ROBO2: variants seen among roughly 807,000 people sequenced by gnomAD.
ROBO2 encodes the protein roundabout homolog 2.
A neutral mutation model predicts 160.8 loss-of-function variants in ROBO2; 53 were observed. That is an observed-to-expected ratio of 0.33 (90% confidence interval 0.26 to 0.41). ROBO2 has a LOEUF of 0.41. Among genes scored for constraint, ROBO2 ranks in the 10% least tolerant of loss-of-function variants. The pLI, the probability that ROBO2 is intolerant of heterozygous loss-of-function variation, is 1.00. For missense variants in ROBO2, 1,577 were observed against 1,722.4 expected (o/e 0.92, Z 1.49); for synonymous variants, 664 against 611.7 (o/e 1.09, Z -1.26).
intron 2 of ROBO2, among the ~76,000 whole-genome samples, chr3:75,977,687 G>A (rs1330143161): frequency 3.3e-5 from 5 of 151,418 alleles, no homozygotes; most frequent in East Asian, 2.0e-4. Context: ...TGAAAAGAGT[G>A]AACTGCCATA....
At chr3:76,455,514 T>C (rs1230500246) in intron 2 of ROBO2, among the ~76,000 whole-genome samples, 1 of 152,114 alleles carries the variant, frequency 6.6e-6, no homozygotes, top group African/African-American at 2.4e-5. Flanking sequence ...TCTGAAACAA[T>C]ATATAGTTAG....
At position 76,925,128 on chromosome 3, in the gene ROBO2, G is replaced by A. The variant is rs1280494607; in HGVS notation, c.110-172886G>A. Reference sequence around the variant, plus strand: ...GAGGCTGAGGCAGGAGGAGAATGGCGTGAACCCGGGAGGCGGAGCTTGCAG... The same window carrying A: ...GAGGCTGAGGCAGGAGGAGAATGGCATGAACCCGGGAGGCGGAGCTTGCAG... On this transcript the variant is annotated intron_variant, in intron 2 of 26. Coordinates refer to the ROBO2 transcript ENST00000487694. Among the ~76,000 whole-genome samples the A allele has an allele frequency of 5.4e-5, 8 of 148,690 alleles. No individual in the cohort carries two copies. In the South Asian group the frequency reaches 8.6e-4, roughly 16 times the overall value.
intron 2 of ROBO2, among the ~76,000 whole-genome samples, chr3:76,366,637 G>A (rs1243631531): frequency 4.6e-5 from 7 of 151,956 alleles, no homozygotes; most frequent in Admixed American, 4.6e-4. Flanking sequence ...TTTATAGTAT[G>A]TAATCCTTTG....
chr3:76,300,554 A>G (rs1346895543), intron 2 of ROBO2, among the ~76,000 whole-genome samples: 1 of 151,946 alleles, frequency 6.6e-6, no homozygotes, highest in Non-Finnish European at 1.5e-5. Context: ...ATGGGAAGCT[A>G]TTTTGCCATT....
intron 2 of ROBO2, among the ~76,000 whole-genome samples, chr3:76,689,533 T>C (rs1055892965): frequency 2.6e-5 from 4 of 152,182 alleles, no homozygotes; most frequent in African/African-American, 9.6e-5. Context: ...AAATTATTGT[T>C]AATTATAATT....
intron 2 of ROBO2, among the ~76,000 whole-genome samples, chr3:76,461,057 T>C (rs535391962): frequency 6.6e-6 from 1 of 152,290 alleles, no homozygotes; most frequent in East Asian, 1.9e-4. Flanking sequence ...GGGTAATTTA[T>C]AAAGAAAAGA....
At chr3:76,343,109 T>C (rs1380952398) in intron 2 of ROBO2, among the ~76,000 whole-genome samples, 2 of 152,098 alleles carry the variant, frequency 1.3e-5, no homozygotes, top group Non-Finnish European at 2.9e-5. Context: ...TCTTCTCTAG[T>C]TCAGAAATCT....
intron 20 of ROBO2, chr3:77,602,806 G>A (rs2094459418): frequency 4.2e-5 from 20 of 481,656 alleles, no homozygotes; most frequent in South Asian, 3.1e-4. Context: ...CATTAGGGCA[G>A]GGTAGACAAA....
intron 2 of ROBO2, among the ~76,000 whole-genome samples, chr3:76,435,984 C>T (rs2076656866): frequency 6.6e-6 from 1 of 152,034 alleles, no homozygotes; most frequent in African/African-American, 2.4e-5. Context: ...ATAAGCATTC[C>T]TTTTATTCTC....
At chr3:76,688,517 T>A (rs2107147374) in intron 2 of ROBO2, among the ~76,000 whole-genome samples, 1 of 151,418 alleles carries the variant, frequency 6.6e-6, no homozygotes, top group Non-Finnish European at 1.5e-5. Context: ...TAACTAAACA[T>A]TAAAGTATGA....
intron 2 of ROBO2, among the ~76,000 whole-genome samples, chr3:76,527,391 C>A (rs895909186): frequency 6.6e-6 from 1 of 151,976 alleles, no homozygotes; most frequent in Non-Finnish European, 1.5e-5. Flanking sequence ...TTTTCAAGTA[C>A]AAGAAATACT....
chr3:77,325,614 C>G (rs1009529564), intron 2 of ROBO2, among the ~76,000 whole-genome samples: 2 of 152,114 alleles, frequency 1.3e-5, no homozygotes, highest in African/African-American at 4.8e-5. Context: ...AAATGTGAAT[C>G]TATTGATGTT....
chr3:77,204,797 G>A (rs951698426), intron 2 of ROBO2, among the ~76,000 whole-genome samples: 3 of 152,306 alleles, frequency 2.0e-5, no homozygotes, highest in African/African-American at 7.2e-5. Flanking sequence ...TTTGTTGAAA[G>A]GTGTAATACT....
rs368832640 is a variant in ROBO2, at chr3:76,947,169, G to T, written c.110-150845G>T. Among the ~76,000 whole-genome samples the T allele has an allele frequency of 2.0e-5, 3 of 152,112 alleles. No individual in the cohort carries two copies. In the East Asian group the frequency reaches 5.8e-4, roughly 29 times the overall value. ...CGTTTTCCACAAATTAGGGGAAAAT[G>T]AGGTTTACATTAGAATAATAGTCCC... On this transcript the variant is annotated intron_variant, in intron 2 of 26. Transcript: ENST00000487694.
At chr3:76,807,012 C>T (rs1475076930) in intron 2 of ROBO2, among the ~76,000 whole-genome samples, 2 of 151,930 alleles carry the variant, frequency 1.3e-5, no homozygotes, top group Admixed American at 6.6e-5. Context: ...AATATAATGA[C>T]ACTACGTTTC....
At chr3:77,136,620 A>G (rs1470350522) in intron 2 of ROBO2, among the ~76,000 whole-genome samples, 1 of 150,378 alleles carries the variant, frequency 6.6e-6, no homozygotes, top group Non-Finnish European at 1.5e-5. Context: ...GATTACAAGC[A>G]TGTGCCACTA....
chr3:77,209,562 C>G lies in ROBO2; in HGVS notation c.388+111222C>G, dbSNP rs147387647. On this transcript the variant is annotated intron_variant, in intron 2 of 25. Transcript: ENST00000461745. ...CCTGGTTGGTCATTTAATGGTAGAACCAGTGGGCCGATTATAACGTGGGTA... is the reference window on the plus strand; with the variant it reads ...CCTGGTTGGTCATTTAATGGTAGAAGCAGTGGGCCGATTATAACGTGGGTA... Among the ~76,000 whole-genome samples, 196 of 152,200 alleles carry G rather than the reference C, an allele frequency of 1.3e-3. 1 individual carries two copies. The highest frequency in any genetic ancestry group is 4.2e-3 in the African/African-American group (174 of 41,564).
chr3:77,407,152 T>C (rs2076320997), intron 2 of ROBO2, among the ~76,000 whole-genome samples: 1 of 152,140 alleles, frequency 6.6e-6, no homozygotes, highest in Admixed American at 6.6e-5. Context: ...TGGATATATA[T>C]CTATCCTAAG....
chr3:76,380,539 C>T (rs971114419), intron 2 of ROBO2, among the ~76,000 whole-genome samples: 5 of 152,146 alleles, frequency 3.3e-5, no homozygotes, highest in Middle Eastern at 3.4e-3. Context: ...CCTCCTTTTT[C>T]GCCTCCTCCT....
Sources: gnomAD v4.1 joint callset for allele counts (sites outside exome capture counted in the v4.1 genomes callset) on GRCh38, gnomAD v4.1.1 for gene constraint, MANE v1.5 for transcripts, NCBI Gene and HGNC (gene_info 2026-07-23, HGNC 2026-07-21) for gene names.